Variants in TAF4B observed in about 807,000 individuals in gnomAD.
TAF4B encodes transcription initiation factor TFIID subunit 4B.
A neutral mutation model predicts 86.4 loss-of-function variants in TAF4B; 38 were observed. The ratio of observed to expected loss-of-function variants is 0.44; its 90% CI spans 0.34 to 0.58. TAF4B has a LOEUF of 0.58. Among genes scored for constraint, TAF4B ranks in the 20% least tolerant of loss-of-function variants. The pLI is 0.02. For missense variants in TAF4B, 988 were observed against 1,027.6 expected (o/e 0.96, Z 0.53); for synonymous variants, 388 against 391.2 (o/e 0.99, Z 0.10).
chr18:26,241,846 A>G (rs1167900957), intron 1 of TAF4B, among the ~76,000 whole-genome samples: 3 of 152,200 alleles, frequency 2.0e-5, no homozygotes, highest in Non-Finnish European at 2.9e-5. Context: ...TTATGTATCC[A>G]GTAGTCATTC....
intron 14 of TAF4B, among the ~76,000 whole-genome samples, chr18:26,381,854 C>T (rs1238304427): frequency 6.6e-6 from 1 of 151,978 alleles, no homozygotes; most frequent in African/African-American, 2.4e-5. Context: ...ATGTTCTAAC[C>T]TCCCTGATAT....
chr18:26,244,224 C>T (rs563772753), intron 1 of TAF4B, among the ~76,000 whole-genome samples: 1 of 152,348 alleles, frequency 6.6e-6, no homozygotes, highest in South Asian at 2.1e-4. Context: ...GTGGGCTCCA[C>T]CCAGTTCAAG....
At chr18:26,274,589 A>C in intron 3 of TAF4B, 74 bp from the exon 4 acceptor site, 1 of 1,525,108 alleles carries the variant, frequency 6.6e-7, no homozygotes, top group South Asian at 1.2e-5. Context: ...AACTTGTCTG[A>C]TGAGTGTGAA....
chr18:26,296,989 A>C (rs1377302897), intron 9 of TAF4B, among the ~76,000 whole-genome samples: 2 of 152,106 alleles, frequency 1.3e-5, no homozygotes, highest in African/African-American at 4.8e-5. Context: ...AAATATAAAA[A>C]TTAGCAGGGC....
intron 1 of TAF4B, among the ~76,000 whole-genome samples, chr18:26,246,225 G>C (rs185414320): frequency 1.1e-4 from 16 of 152,272 alleles, no homozygotes; most frequent in African/African-American, 3.8e-4. Flanking sequence ...AGAAATGTAG[G>C]CTGGATGATA....
chr18:26,275,063 G>A lies in TAF4B; in HGVS notation c.882+10G>A. 6.3e-7 allele frequency: 1 copy of A among 1,595,870 alleles called. No individual in the cohort carries two copies. The highest frequency in any genetic ancestry group is 2.2e-5 in the East Asian group (1 of 44,724). The stretch of plus-strand genomic sequence containing the variant: ...GGTGGAACAACTTTTGGTAAGTAGT[G>A]CTATAAAATCCTGCAAATTCTGGAG... On this transcript the variant is annotated intron_variant, in intron 5 of 14. Coordinates refer to ENST00000269142, the MANE Select transcript of TAF4B (RefSeq NM_005640.3).
intron 9 of TAF4B, among the ~76,000 whole-genome samples, chr18:26,311,460 T>C (rs986465765): frequency 6.6e-6 from 1 of 151,742 alleles, no homozygotes; most frequent in African/African-American, 2.4e-5. Flanking sequence ...CGTGGCAAAA[T>C]CCTGTCTCTA....
At chr18:26,355,044 A>G (rs777818968) in intron 13 of TAF4B, among the ~76,000 whole-genome samples, 1 of 152,056 alleles carries the variant, frequency 6.6e-6, no homozygotes, top group African/African-American at 2.4e-5. Flanking sequence ...CCATTTGTTT[A>G]TTTATTTTTT....
intron 9 of TAF4B, 71 bp from the exon 10 acceptor site, chr18:26,315,146 GTCTCTCTCTCTC>G: frequency 6.8e-6 from 1 of 147,184 alleles, no homozygotes; most frequent in Non-Finnish European, 1.1e-5. Flanking sequence ...CTCTCTCTCT[GTCTCTCTCTCTC>G]TCTCACACAC....
At chr18:26,307,960 ATG>A (rs2056813039) in intron 9 of TAF4B, among the ~76,000 whole-genome samples, 1 of 152,110 alleles carries the variant, frequency 6.6e-6, no homozygotes, top group South Asian at 2.1e-4. Flanking sequence ...AAATACAAAA[ATG>A]AGCCGGGTGT....
chr18:26,310,718 A>G (rs1352920703), intron 9 of TAF4B, among the ~76,000 whole-genome samples: 1 of 152,214 alleles, frequency 6.6e-6, no homozygotes, highest in African/African-American at 2.4e-5. Context: ...AAGGTATGCA[A>G]TGGGAAAAGT....
chr18:26,291,719 A>AG (rs71169842), intron 7 of TAF4B, among the ~76,000 whole-genome samples: 4,707 of 150,910 alleles, frequency 0.031, 117 homozygotes, highest in East Asian at 0.05. Context: ...AAAAAAAAAA[A>AG]AAAGAAAATA....
intron 2 of TAF4B, among the ~76,000 whole-genome samples, chr18:26,266,609 C>A (rs1276655876): frequency 6.6e-6 from 1 of 151,948 alleles, no homozygotes; most frequent in Non-Finnish European, 1.5e-5. Context: ...CGCCTGTAAT[C>A]CCAGCACTTT....
intron 13 of TAF4B, among the ~76,000 whole-genome samples, chr18:26,338,755 G>A (rs533688094): frequency 4.6e-5 from 7 of 152,232 alleles, no homozygotes; most frequent in Admixed American, 4.6e-4. Context: ...TGGGATTACA[G>A]GCATGAGCCA....
chr18:26,377,001 C>G (rs1458408263), intron 14 of TAF4B, among the ~76,000 whole-genome samples: 1 of 151,876 alleles, frequency 6.6e-6, no homozygotes, highest in Non-Finnish European at 1.5e-5. Flanking sequence ...TGTATTGAAC[C>G]CACTTTGTAT....
chr18:26,351,638 T>A (rs1377164018), intron 13 of TAF4B, among the ~76,000 whole-genome samples: 1 of 152,108 alleles, frequency 6.6e-6, no homozygotes, highest in Non-Finnish European at 1.5e-5. Context: ...TCAGACTTCA[T>A]AAAAATTAAT....
At chr18:26,381,453 G>A (rs913008582) in intron 14 of TAF4B, among the ~76,000 whole-genome samples, 5 of 152,034 alleles carry the variant, frequency 3.3e-5, no homozygotes, top group South Asian at 2.1e-4. Flanking sequence ...TTGGCTGGGC[G>A]CGGTAGCTCA....
intron 1 of TAF4B, among the ~76,000 whole-genome samples, chr18:26,259,007 A>T (rs1350034110): frequency 6.6e-6 from 1 of 151,752 alleles, no homozygotes; most frequent in Non-Finnish European, 1.5e-5. Context: ...TTAAATTTTA[A>T]ATGTCTTTGC....
chr18:26,346,781 G>A (rs1318135999), intron 13 of TAF4B, among the ~76,000 whole-genome samples: 2,963 of 18,866 alleles, frequency 0.16, 741 homozygotes, highest in South Asian at 0.3. Flanking sequence ...ATATGTGTGT[G>A]TATATATATA....
Sources: gnomAD v4.1 joint callset for allele counts (sites outside exome capture counted in the v4.1 genomes callset) on GRCh38, gnomAD v4.1.1 for gene constraint, MANE v1.5 for transcripts, NCBI Gene and HGNC (gene_info 2026-07-23, HGNC 2026-07-21) for gene names.